Variants in AK9 observed in about 807,000 individuals in gnomAD.
The protein encoded by AK9 is adenylate kinase domain containing 1.
AK9 carries 191 observed loss-of-function variants against 239.6 expected under a neutral mutation model. The ratio of observed to expected loss-of-function variants is 0.80; its 90% CI spans 0.71 to 0.90. AK9 has a LOEUF of 0.90. Among genes scored for constraint, AK9 ranks in the 40% least tolerant of loss-of-function variants. The pLI is 0.00. For synonymous variants in AK9, 689 were observed against 721.0 expected, an observed-to-expected ratio of 0.96 and a Z score of 0.71; for missense variants, 1,995 against 2,214.7, an observed-to-expected ratio of 0.90 and a Z score of 1.99.
intron 17 of AK9, among the ~76,000 whole-genome samples, chr6:109,600,764 T>G (rs1791830373): frequency 6.6e-6 from 1 of 152,230 alleles, no homozygotes. Context: ...GAGCCTGTTA[T>G]TGGTCTATTC....
At chr6:109,656,045 G>A (rs1050734026) in intron 8 of AK9, among the ~76,000 whole-genome samples, 2 of 152,156 alleles carry the variant, frequency 1.3e-5, no homozygotes, top group African/African-American at 4.8e-5. Flanking sequence ...ATGGGAATAG[G>A]CAATTGGAGG....
intron 5 of AK9, among the ~76,000 whole-genome samples, chr6:109,663,724 G>C (rs1035970600): frequency 3.9e-5 from 6 of 152,178 alleles, no homozygotes; most frequent in Non-Finnish European, 7.3e-5. Flanking sequence ...ATGGGTTACA[G>C]GCTTATTCCA....
At chr6:109,629,746 C>A (rs1035632674) in intron 12 of AK9, among the ~76,000 whole-genome samples, 1 of 152,026 alleles carries the variant, frequency 6.6e-6, no homozygotes, top group Non-Finnish European at 1.5e-5. Flanking sequence ...CATTCTCCTG[C>A]CTCAGCCTCC....
chr6:109,613,426 T>C (rs1793807725), intron 15 of AK9, among the ~76,000 whole-genome samples: 1 of 151,820 alleles, frequency 6.6e-6, no homozygotes, highest in Non-Finnish European at 1.5e-5. Context: ...GAAGTAAAAA[T>C]TAAAACAACA....
chr6:109,637,540 T>C (rs1796876535), intron 10 of AK9, among the ~76,000 whole-genome samples: 1 of 152,134 alleles, frequency 6.6e-6, no homozygotes, highest in Admixed American at 6.6e-5. Context: ...TTTTTTTGTA[T>C]TTTTCTTTTG....
In AK9 at chr6:109,501,395, G is replaced by A. The variant is rs528289442; in HGVS notation, c.4850-2155C>T. Among the ~76,000 whole-genome samples, 4 of 152,182 alleles carry A rather than the reference G, an allele frequency of 2.6e-5. No homozygotes were observed. In the South Asian group the frequency reaches 8.3e-4, roughly 32 times the overall value. On this transcript the variant is annotated intron_variant, in intron 35 of 40. Transcript: ENST00000424296. ...ATGTAATCCTGAAAAGGAGATGGTT[G>A]GGAAACCGTGCCCAAAGAGGTTTCC...
intron 20 of AK9, among the ~76,000 whole-genome samples, chr6:109,575,301 G>A (rs1787921310): frequency 1.3e-5 from 2 of 152,280 alleles, no homozygotes; most frequent in South Asian, 4.1e-4. Context: ...CACAAGCAGT[G>A]TAAAACTGTT....
chr6:109,668,113 T>C (rs1801509709), intron 5 of AK9, among the ~76,000 whole-genome samples: 2 of 152,244 alleles, frequency 1.3e-5, no homozygotes, highest in African/African-American at 4.8e-5. Flanking sequence ...TGAGATGATA[T>C]CTCATTGTGG....
At chr6:109,513,147 G>C (rs942333664) in intron 32 of AK9, among the ~76,000 whole-genome samples, 2 of 152,172 alleles carry the variant, frequency 1.3e-5, no homozygotes, top group African/African-American at 4.8e-5. Context: ...TTACAGGCAT[G>C]AGCCACTGTG....
intron 20 of AK9, among the ~76,000 whole-genome samples, chr6:109,574,419 A>G (rs921629259): frequency 7.2e-5 from 11 of 152,142 alleles, no homozygotes; most frequent in Non-Finnish European, 1.5e-4. Context: ...AGCCGGTTTA[A>G]TAACTACCAC....
intron 8 of AK9, among the ~76,000 whole-genome samples, chr6:109,651,810 T>G (rs1280757845): frequency 1.3e-5 from 2 of 152,004 alleles, no homozygotes; most frequent in African/African-American, 2.4e-5. Context: ...TTAGAAGAAA[T>G]GGATAAATTC....
intron 21 of AK9, among the ~76,000 whole-genome samples, chr6:109,572,756 T>C (rs1787587454): frequency 6.6e-6 from 1 of 152,150 alleles, no homozygotes; most frequent in Non-Finnish European, 1.5e-5. Flanking sequence ...ACCTTTTAGT[T>C]TGTAGGATGA....
chr6:109,574,943 G>A (rs1787871231), intron 20 of AK9, among the ~76,000 whole-genome samples: 7 of 152,100 alleles, frequency 4.6e-5, no homozygotes, highest in Admixed American at 3.3e-4. Flanking sequence ...TCACTTATAA[G>A]TGAGAACATA....
chr6:109,495,520 G>C, intron 38 of AK9, 80 bp from the exon 39 acceptor site: 1 of 1,016,736 alleles, frequency 9.8e-7, no homozygotes. Flanking sequence ...GAGACTATTA[G>C]AAGATAAAGT....
At position 109,615,983 on chromosome 6, in the gene AK9, C is replaced by T. The variant is rs147177519; in HGVS notation, c.1400-1503G>A. ...AGGCACAGCGGCTCATGCCTGTAAT[C>T]GCAGCACTTTGGGAGGCCAAGGCCG... On this transcript the variant is annotated intron_variant, in intron 13 of 40. Coordinates refer to ENST00000424296, the MANE Select transcript of AK9 (RefSeq NM_001145128.3). 3.5e-4 allele frequency among the ~76,000 whole-genome samples: 53 copies of T among 151,944 alleles called. No homozygotes were observed. In the East Asian group the frequency reaches 7.0e-3, roughly 20 times the overall value.
chr6:109,566,529 T>A (rs1786542407), intron 21 of AK9, among the ~76,000 whole-genome samples: 1 of 151,850 alleles, frequency 6.6e-6, no homozygotes, highest in African/African-American at 2.4e-5. Context: ...TCACGAGGCA[T>A]AAAGATAGAT....
chr6:109,671,895 G>A (rs1770958600), intron 5 of AK9, 24 bp downstream of exon 5: 2 of 1,604,100 alleles, frequency 1.2e-6, no homozygotes, highest in Admixed American at 3.4e-5. Flanking sequence ...TTTGTGGGCT[G>A]TAAATATATT....
chr6:109,592,978 TTTC>T (rs1156293120), intron 17 of AK9, among the ~76,000 whole-genome samples: 4 of 152,146 alleles, frequency 2.6e-5, no homozygotes, highest in East Asian at 1.9e-4. Flanking sequence ...CTTTTTACTT[TTTC>T]TTCTTCTCCT....
rs555275803 is a variant in AK9 at position 109,653,775 on chromosome 6, C to T, written c.759+2981G>A. ...TCTTGAACTCTTGGGCTCAAGTGATCTGCCCACCTTGGCCTCTCAAAGTGT... is the reference window on the plus strand; with the variant it reads ...TCTTGAACTCTTGGGCTCAAGTGATTTGCCCACCTTGGCCTCTCAAAGTGT... On this transcript the variant is annotated intron_variant, in intron 8 of 40. Transcript: ENST00000424296. 3.4e-3 allele frequency among the ~76,000 whole-genome samples: 515 copies of T among 151,946 alleles called. 3 individuals carry two copies. Among genetic ancestry groups the T allele is most frequent in the African/African-American group, 0.012 (502 of 41,432 alleles).
Sources: gnomAD v4.1 joint callset for allele counts (sites outside exome capture counted in the v4.1 genomes callset) on GRCh38, gnomAD v4.1.1 for gene constraint, MANE v1.5 for transcripts, NCBI Gene and HGNC (gene_info 2026-07-23, HGNC 2026-07-21) for gene names.